GSAP: variants seen among roughly 807,000 people sequenced by gnomAD.
GSAP encodes gamma-secretase-activating protein.
In GSAP, 118 loss-of-function variants were observed where a neutral mutation model predicts 131.7. The ratio of observed to expected loss-of-function variants is 0.90; its 90% confidence interval spans 0.77 to 1.04. GSAP has a LOEUF of 1.04. Ranked by LOEUF, GSAP falls within the 50% of genes least tolerant of loss-of-function variation. The pLI is 0.00. For synonymous variants in GSAP, 381 were observed against 363.4 expected, an observed-to-expected ratio of 1.05 and a Z score of -0.55; for missense variants, 1,019 against 1,013.2, an observed-to-expected ratio of 1.01 and a Z score of -0.08.
intron 3 of GSAP, among the ~76,000 whole-genome samples, chr7:77,399,615 C>A (rs1800988026): frequency 6.6e-6 from 1 of 151,770 alleles, no homozygotes; most frequent in Non-Finnish European, 1.5e-5. Context: ...TATGCTTATC[C>A]CATTACTTAT....
At chr7:77,385,884 C>G (rs1393645281) in intron 6 of GSAP, among the ~76,000 whole-genome samples, 1 of 152,144 alleles carries the variant, frequency 6.6e-6, no homozygotes, top group African/African-American at 2.4e-5. Context: ...TTGACTCTGG[C>G]TAGACCAAAA....
At chr7:77,402,349 A>G (rs1801448589) in intron 3 of GSAP, among the ~76,000 whole-genome samples, 1 of 148,610 alleles carries the variant, frequency 6.7e-6, no homozygotes, top group African/African-American at 2.5e-5. Flanking sequence ...GATTGAGACC[A>G]TCCTGGCCAA....
intron 14 of GSAP, among the ~76,000 whole-genome samples, chr7:77,360,266 A>C (rs1463222272): frequency 1.3e-5 from 2 of 152,202 alleles, no homozygotes; most frequent in Non-Finnish European, 2.9e-5. Flanking sequence ...CTGGCATGGA[A>C]AAGCAGCTTT....
intron 14 of GSAP, among the ~76,000 whole-genome samples, chr7:77,359,672 T>A (rs1794266941): frequency 1.3e-5 from 2 of 152,208 alleles, no homozygotes; most frequent in Non-Finnish European, 2.9e-5. Flanking sequence ...AGCCTATTTT[T>A]ACAAAGCTTA....
At chr7:77,325,109 C>G (rs1206683503) in intron 23 of GSAP, among the ~76,000 whole-genome samples, 1 of 152,068 alleles carries the variant, frequency 6.6e-6, no homozygotes, top group Admixed American at 6.6e-5. Flanking sequence ...AGCAACAGTG[C>G]CCAGCCATGT....
chr7:77,390,745 A>T (rs1799335749), intron 5 of GSAP, among the ~76,000 whole-genome samples: 1 of 151,844 alleles, frequency 6.6e-6, no homozygotes, highest in Non-Finnish European at 1.5e-5. Context: ...CTAAAACTTG[A>T]AGTATAATAA....
intron 20 of GSAP, chr7:77,329,977 T>A: frequency 3.7e-6 from 1 of 270,186 alleles, no homozygotes; most frequent in Non-Finnish European, 7.0e-6. Context: ...TGAGAACACA[T>A]CTGAGACATG....
intron 29 of GSAP, 54 bp downstream of exon 29, chr7:77,312,047 G>C: frequency 7.9e-7 from 1 of 1,260,182 alleles, no homozygotes; most frequent in South Asian, 1.3e-5. Flanking sequence ...ATGTTGTCAC[G>C]GGCAAACAGG....
Position 77,324,826 on chromosome 7 carries a change from C to CTT in GSAP, c.1828-1086_1828-1085dup, listed in dbSNP as rs150930764. On this transcript the variant is annotated intron_variant, in intron 23 of 30. Coordinates refer to ENST00000257626, the MANE Select transcript of GSAP (RefSeq NM_017439.4). Reference sequence around the variant, plus strand: ...TGTCGTGTAAACATTGTTTGCCATACTTTTTTTTTTTTTTTTTTTTTGCTC... The same window carrying CTT: ...TGTCGTGTAAACATTGTTTGCCATACTTTTTTTTTTTTTTTTTTTTTTTGCTC... 6.9e-3 allele frequency among the ~76,000 whole-genome samples: 674 copies of CTT among 97,268 alleles called. 34 individuals are homozygous for CTT. The highest frequency in any genetic ancestry group is 0.018 in the African/African-American group (415 of 22,814). 63.8% of individuals were successfully genotyped at this position (97,268 alleles called of 152,430 possible).
intron 19 of GSAP, among the ~76,000 whole-genome samples, chr7:77,345,981 G>C (rs1791749311): frequency 6.6e-6 from 1 of 152,052 alleles, no homozygotes; most frequent in South Asian, 2.1e-4. Context: ...CTTAACCTTA[G>C]GGGAATAGAT....
chr7:77,368,608 A>G lies in GSAP; in HGVS notation c.871+5462T>C, dbSNP rs137877720. ...CACTAAATGATTCTAACGTGAACCCAGATTGAGAACCACTTTTGAAATCAG... is the reference window on the plus strand; with the variant it reads ...CACTAAATGATTCTAACGTGAACCCGGATTGAGAACCACTTTTGAAATCAG... On this transcript the variant is annotated intron_variant, in intron 12 of 30. Coordinates refer to ENST00000257626, the MANE Select transcript of GSAP (RefSeq NM_017439.4). 8.7e-3 allele frequency among the ~76,000 whole-genome samples: 1,328 copies of G among 152,364 alleles called. 7 individuals are homozygous for G. The highest frequency in any genetic ancestry group is 0.014 in the South Asian group (70 of 4,830).
intron 4 of GSAP, 54 bp from the exon 5 acceptor site, chr7:77,397,089 T>TA (rs1200717628): frequency 1.2e-5 from 15 of 1,224,356 alleles, no homozygotes; most frequent in Admixed American, 9.6e-5. Flanking sequence ...GGTAGCTTGT[T>TA]AAAGTTTACC....
At chr7:77,321,442 C>T in intron 24 of GSAP, 39 bp from the exon 25 acceptor site, 1 of 1,371,928 alleles carries the variant, frequency 7.3e-7, no homozygotes, top group Non-Finnish European at 1.0e-6. Context: ...TTGCTCCATT[C>T]CTTCCCTCAA....
At chr7:77,390,684 C>T (rs1286309695) in intron 5 of GSAP, among the ~76,000 whole-genome samples, 1 of 151,888 alleles carries the variant, frequency 6.6e-6, no homozygotes, top group Non-Finnish European at 1.5e-5. Flanking sequence ...AGCACACCAT[C>T]GTGGCACATG....
chr7:77,380,638 G>A (rs572764313), intron 8 of GSAP, among the ~76,000 whole-genome samples: 44 of 152,126 alleles, frequency 2.9e-4, no homozygotes, highest in African/African-American at 9.2e-4. Flanking sequence ...GTGGGTAAGA[G>A]GTGGGGGTAG....
chr7:77,382,761 A>G, intron 6 of GSAP, 118 bp from the exon 7 acceptor site: 1 of 604,306 alleles, frequency 1.7e-6, no homozygotes, highest in South Asian at 1.9e-5. Context: ...GAATCACAGA[A>G]GAGTTTAGGG....
At chr7:77,334,579 T>TAAAAAAAAAAAAAAAAA (rs1200040086) in intron 19 of GSAP, among the ~76,000 whole-genome samples, 853 of 82,202 alleles carry the variant, frequency 0.01, 99 homozygotes, top group Non-Finnish European at 0.016. Flanking sequence ...AACTTAAAAT[T>TAAAAAAAAAAAAAAAAA]TAAAAAAAAA....
intron 3 of GSAP, among the ~76,000 whole-genome samples, chr7:77,402,684 TAA>T (rs60282862): frequency 4.5e-5 from 5 of 111,832 alleles, no homozygotes; most frequent in Non-Finnish European, 3.9e-5. Context: ...AAAAGGTCCG[TAA>T]AAAAAAAAAA....
In GSAP at chr7:77,362,667, GA is replaced by G; in HGVS notation, c.872-8del. 2.0e-6 allele frequency: 3 copies of G among 1,513,944 alleles called. No individual in the cohort carries two copies. Among genetic ancestry groups the G allele is most frequent in the Non-Finnish European group, 2.7e-6 (3 of 1,090,942 alleles). The allele number at this position is 1,513,944 out of a possible 1,614,324, so 93.8% of individuals were successfully genotyped here. Reference sequence around the variant, plus strand: ...TAACATACACACAAACTTCCTAGAAGAAAAAGGATATTTAGTAGAGTTTAAC... The same window carrying G: ...TAACATACACACAAACTTCCTAGAAGAAAAGGATATTTAGTAGAGTTTAAC... On this transcript the variant is annotated splice_polypyrimidine_tract_variant and splice_region_variant and intron_variant, in intron 12 of 30. Transcript: ENST00000257626.
Sources: allele counts gnomAD v4.1 joint callset (sites outside exome capture counted in the v4.1 genomes callset), GRCh38; gene constraint gnomAD v4.1.1; transcripts MANE v1.5; gene names NCBI Gene and HGNC (gene_info 2026-07-23, HGNC 2026-07-21).